AKAP7: variants seen among roughly 807,000 people sequenced by gnomAD.
AKAP7 encodes A-kinase anchoring protein 7.
In AKAP7, 39 loss-of-function variants were observed where a neutral mutation model predicts 39.5. The observed-to-expected ratio is 0.99, with a 90% CI of 0.76 to 1.29. The LOEUF is 1.29. AKAP7 is among the 50% of genes most tolerant of loss of function. The pLI is 0.00. For synonymous variants in AKAP7, 140 were observed against 139.1 expected, an observed-to-expected ratio of 1.01 and a Z score of -0.05; for missense variants, 414 against 407.7, an observed-to-expected ratio of 1.02 and a Z score of -0.13.
At chr6:131,244,268 G>A (rs924835780) in intron 7 of AKAP7, among the ~76,000 whole-genome samples, 4 of 152,096 alleles carry the variant, frequency 2.6e-5, no homozygotes, top group African/African-American at 4.8e-5. Context: ...GACTTCAAAT[G>A]GGGAGCTCGT....
At chr6:131,177,064 C>T (rs769775919) in intron 5 of AKAP7, among the ~76,000 whole-genome samples, 1 of 152,188 alleles carries the variant, frequency 6.6e-6, no homozygotes, top group Non-Finnish European at 1.5e-5. Flanking sequence ...TCATCTCTCT[C>T]TTAATCCTTT....
intron 7 of AKAP7, among the ~76,000 whole-genome samples, chr6:131,260,890 G>A (rs899589215): frequency 3.3e-5 from 5 of 151,946 alleles, no homozygotes; most frequent in African/African-American, 1.2e-4. Context: ...TTAATTTATA[G>A]TCACTATTAA....
chr6:131,155,789 A>G (rs909502213), intron 2 of AKAP7, among the ~76,000 whole-genome samples: 1 of 152,156 alleles, frequency 6.6e-6, no homozygotes, highest in Non-Finnish European at 1.5e-5. Context: ...TGTATTTAAC[A>G]CCACTGAAGT....
At chr6:131,251,721 G>A (rs1259542842) in intron 7 of AKAP7, among the ~76,000 whole-genome samples, 4 of 152,210 alleles carry the variant, frequency 2.6e-5, no homozygotes, top group African/African-American at 9.7e-5. Context: ...AATAAGCTGC[G>A]CTCTAAATTT....
chr6:131,151,466 C>A (rs973153274), intron 2 of AKAP7, among the ~76,000 whole-genome samples: 1 of 150,364 alleles, frequency 6.7e-6, no homozygotes, highest in African/African-American at 2.4e-5. Context: ...AATATATGGC[C>A]GGGTGTGGTG....
At chr6:131,253,800 C>T (rs750641107) in intron 7 of AKAP7, among the ~76,000 whole-genome samples, 1 of 152,038 alleles carries the variant, frequency 6.6e-6, no homozygotes, top group Non-Finnish European at 1.5e-5. Flanking sequence ...CTGAAAATGA[C>T]AGGATTTTAT....
chr6:131,151,888 C>T (rs913730196), intron 2 of AKAP7, among the ~76,000 whole-genome samples: 1 of 152,136 alleles, frequency 6.6e-6, no homozygotes, highest in African/African-American at 2.4e-5. Flanking sequence ...TCATTCTCAG[C>T]CTTTTAGCTA....
chr6:131,128,398 C>A, the AKAP7 span, among the ~76,000 whole-genome samples: 3 of 152,168 alleles, frequency 2.0e-5, no homozygotes. Context: ...AATAAACTTT[C>A]ATGAACTGCT....
At chr6:131,172,179 T>A (rs1244629953) in intron 5 of AKAP7, among the ~76,000 whole-genome samples, 1 of 152,084 alleles carries the variant, frequency 6.6e-6, no homozygotes, top group African/African-American at 2.4e-5. Flanking sequence ...AGGTACATGA[T>A]CAGTATACAA....
chr6:131,239,401 CGAG>C (rs1811340914), intron 7 of AKAP7, among the ~76,000 whole-genome samples: 1 of 152,094 alleles, frequency 6.6e-6, no homozygotes, highest in Non-Finnish European at 1.5e-5. Context: ...GTGCTCTTCT[CGAG>C]GAGTATCTTT....
At chr6:131,231,690 A>G (rs544683235) in intron 7 of AKAP7, among the ~76,000 whole-genome samples, 2 of 152,248 alleles carry the variant, frequency 1.3e-5, no homozygotes, top group East Asian at 3.9e-4. Flanking sequence ...ATTACTTACT[A>G]GGCTGGGATA....
At chr6:131,237,075 G>A (rs919748214) in intron 7 of AKAP7, among the ~76,000 whole-genome samples, 4 of 152,040 alleles carry the variant, frequency 2.6e-5, no homozygotes, top group Non-Finnish European at 2.9e-5. Flanking sequence ...TTTGAGATAC[G>A]GCCCATCAAT....
intron 7 of AKAP7, among the ~76,000 whole-genome samples, chr6:131,270,992 G>A (rs968833512): frequency 1.3e-5 from 2 of 151,906 alleles, no homozygotes; most frequent in African/African-American, 4.8e-5. Context: ...GATAAATTTT[G>A]CAAATATGTT....
chr6:131,252,494 A>G (rs1474922634), intron 7 of AKAP7, among the ~76,000 whole-genome samples: 1 of 152,190 alleles, frequency 6.6e-6, no homozygotes, highest in East Asian at 1.9e-4. Context: ...GGAAACACAT[A>G]TGCACATTGT....
intron 2 of AKAP7, 92 bp downstream of exon 2, chr6:131,145,508 T>C: frequency 1.2e-6 from 1 of 829,288 alleles, no homozygotes. Flanking sequence ...TTGTTTCACT[T>C]TTAATACTTA....
chr6:131,277,167 GTTGA>G (rs140407283), intron 7 of AKAP7, among the ~76,000 whole-genome samples: 2,113 of 152,280 alleles, frequency 0.014, 23 homozygotes, highest in Non-Finnish European at 0.021. Context: ...CTTACCTGAA[GTTGA>G]TTGAAAAGTT....
intron 6 of AKAP7, among the ~76,000 whole-genome samples, chr6:131,214,947 C>G (rs905869407): frequency 6.6e-6 from 1 of 152,034 alleles, no homozygotes; most frequent in Non-Finnish European, 1.5e-5. Flanking sequence ...CTAGCTGTGT[C>G]TTTTGGTAAG....
chr6:131,217,115 T>C lies in AKAP7; in HGVS notation c.703-2546T>C, dbSNP rs180880645. Among the ~76,000 whole-genome samples the C allele has an allele frequency of 1.1e-3, 161 of 152,276 alleles. 1 individual carries two copies. Among genetic ancestry groups the C allele is most frequent in the Non-Finnish European group, 1.2e-4 (8 of 68,014 alleles). Reference sequence around the variant, plus strand: ...TGATGAAGGGAAGCAGAGAATAATTTTGGGGGTCCACAACCTGAAAATAAT... The same window carrying C: ...TGATGAAGGGAAGCAGAGAATAATTCTGGGGGTCCACAACCTGAAAATAAT... On this transcript the variant is annotated intron_variant, in intron 6 of 7. Coordinates refer to ENST00000431975, the MANE Select transcript of AKAP7 (RefSeq NM_016377.4).
At position 131,281,416 on chromosome 6, in the gene AKAP7, A is replaced by G. The variant is rs1815180205; in HGVS notation, c.851-114A>G. On this transcript the variant is annotated intron_variant, in intron 7 of 7. Coordinates refer to ENST00000431975, the MANE Select transcript of AKAP7 (RefSeq NM_016377.4). This position sits in a 1 kb window ranked among gnomAD's most constrained non-coding sequence, Gnocchi z 4.0. Reference sequence around the variant, plus strand: ...AAGCCAACCCACTGTTCTTGAATTTATAGATCCAATTTACACTTGCTCTTT... The same window carrying G: ...AAGCCAACCCACTGTTCTTGAATTTGTAGATCCAATTTACACTTGCTCTTT... 2 of 798,218 alleles carry G rather than the reference A, an allele frequency of 2.5e-6. No individual in the cohort carries two copies. The highest frequency in any genetic ancestry group is 3.7e-6 in the Non-Finnish European group (2 of 537,444). 49.4% of individuals were successfully genotyped at this position (798,218 alleles called of 1,614,324 possible). A position where few individuals can be genotyped will look rare whatever the true frequency, so the allele number is the denominator to read the frequency against.
Sources: gnomAD v4.1 joint callset for allele counts (sites outside exome capture counted in the v4.1 genomes callset) on GRCh38, gnomAD v4.1.1 for gene constraint, Gnocchi (gnomAD v3.1) non-coding constraint, MANE v1.5 for transcripts, NCBI Gene and HGNC (gene_info 2026-07-23, HGNC 2026-07-21) for gene names.